The following NCOA3 variants were observed in gnomAD, a reference collection of about 807,000 sequenced individuals.
NCOA3 encodes the protein CBP-interacting protein.
NCOA3 carries 51 observed loss-of-function variants against 158.8 expected under a neutral mutation model. The observed-to-expected ratio is 0.32, with a 90% CI of 0.26 to 0.41. NCOA3 has a LOEUF of 0.41. NCOA3 is among the 10% of genes least tolerant of loss of function. NCOA3 has a pLI of 1.00. For synonymous variants in NCOA3, 537 were observed against 592.4 expected (o/e 0.91, Z 1.36); for missense variants, 1,510 against 1,746.6 (o/e 0.86, Z 2.41).
At chr20:47,613,445 C>A (rs1273097941) in intron 2 of NCOA3, among the ~76,000 whole-genome samples, 1 of 142,536 alleles carries the variant, frequency 7.0e-6, no homozygotes, top group Non-Finnish European at 1.5e-5. Context: ...TTTTCTGGGG[C>A]TAAAATGATT....
intron 2 of NCOA3, among the ~76,000 whole-genome samples, chr20:47,588,131 CTTTTTTTTTT>C (rs33989951): frequency 3.1e-4 from 24 of 78,550 alleles, no homozygotes; most frequent in Non-Finnish European, 4.9e-4. Flanking sequence ...CTCCACCCCA[CTTTTTTTTTT>C]TTTTTTTTTT....
At chr20:47,506,535 A>T (rs952426709) in intron 1 of NCOA3, among the ~76,000 whole-genome samples, 3 of 152,202 alleles carry the variant, frequency 2.0e-5, no homozygotes, top group African/African-American at 7.2e-5. Flanking sequence ...AAACTTTGTT[A>T]GCATTAACTC....
In NCOA3 at chr20:47,651,137, GCAA is replaced by G. The variant is rs2086788350; in HGVS notation, c.3810_3812del (p.Gln1276del). The G allele has an allele frequency of 1.9e-6, 3 of 1,612,404 alleles. No individual in the cohort carries two copies. On this transcript the variant is annotated inframe_deletion, in exon 20 of 23. Transcript: ENST00000371998. The stretch of plus-strand genomic sequence containing the variant: ...AGCAGCAGCAACAGCAACAGCAACA[GCAA>G]CAGCAGCAACAGCAGCAAACCCAGG...
At chr20:47,552,877 G>C (rs1271294764) in intron 1 of NCOA3, among the ~76,000 whole-genome samples, 1 of 151,826 alleles carries the variant, frequency 6.6e-6, no homozygotes, top group Non-Finnish European at 1.5e-5. Flanking sequence ...ACTGTAAAAG[G>C]GAAAAATGTG....
chr20:47,588,210 C>T (rs1568706341), intron 2 of NCOA3, among the ~76,000 whole-genome samples: 1 of 137,262 alleles, frequency 7.3e-6, no homozygotes, highest in Non-Finnish European at 1.5e-5. Context: ...CCTTGGCTCA[C>T]TGCAACCTCT....
Position 47,636,218 on chromosome 20 carries a change from G to A in NCOA3, c.1832G>A (p.Gly611Asp), listed in dbSNP as rs2086512886. The change falls in exon 12 of 23, where the codon GGT (glycine) becomes GAT (aspartate). Residue 611 changes from glycine to aspartate, a missense_variant. This residue lies in a region of NCOA3 where 1,017 missense variants were observed against 1,098.3 expected (regional missense o/e 0.93). Transcript: ENST00000371998. ...GTTGAGGGGGCAGAGAATCAAAGGG[G>A]TCCTTTGGAAAGCAAAGGTCATAAA... ...SSVEGAENQR[G>D]PLESKGHKKL... 4.3e-6 allele frequency: 7 copies of A among 1,614,118 alleles called. No individual in the cohort carries two copies. The highest frequency in any genetic ancestry group is 5.9e-6 in the Non-Finnish European group (7 of 1,180,012).
chr20:47,608,952 G>A (rs2085999717), intron 2 of NCOA3, among the ~76,000 whole-genome samples: 1 of 152,050 alleles, frequency 6.6e-6, no homozygotes, highest in Admixed American at 6.6e-5. Flanking sequence ...CCAATTTCAG[G>A]GGCATTTAGT....
intron 1 of NCOA3, among the ~76,000 whole-genome samples, chr20:47,502,597 G>C (rs1159992236): frequency 1.3e-5 from 2 of 151,936 alleles, no homozygotes; most frequent in Admixed American, 6.6e-5. Flanking sequence ...TAGCTTCTTA[G>C]TTTTCTCGGT....
rs1213644996 is a variant in NCOA3 at position 47,636,410 on chromosome 20, G to A, written c.2024G>A (p.Gly675Glu). 6.2e-7 allele frequency: 1 copy of A among 1,614,052 alleles called. No individual in the cohort carries two copies. The highest frequency in any genetic ancestry group is 1.1e-5 in the South Asian group (1 of 91,070). Residue 675 changes from glycine (G) to glutamate (E), a missense_variant, in exon 12 of 23, where the codon GGG becomes GAG. Physicochemically the swap from Gly to Glu is moderately conservative, Grantham distance 98 (BLOSUM62 -2). Coordinates refer to ENST00000371998, the MANE Select transcript of NCOA3 (RefSeq NM_181659.3). ...GTATCCTCTACATCCAATATGCATG[G>A]GTCACTGTTACAAGAGAAGCACCGG... is the stretch of plus-strand genomic sequence containing the variant. ...GGVSSTSNMH[G>E]SLLQEKHRIL... is the part of the protein sequence containing the mutation.
intron 2 of NCOA3, among the ~76,000 whole-genome samples, chr20:47,609,777 A>G (rs2086015000): frequency 6.6e-6 from 1 of 152,206 alleles, no homozygotes; most frequent in Admixed American, 6.5e-5. Flanking sequence ...TTGAATAGCA[A>G]CAAAGAAAAA....
chr20:47,635,770 A>G, intron 11 of NCOA3, 57 bp downstream of exon 11: 2 of 1,514,404 alleles, frequency 1.3e-6, no homozygotes, highest in Non-Finnish European at 1.8e-6. Context: ...TATTCTTTCC[A>G]TACTACTATA....
chr20:47,532,666 G>T (rs556250167), intron 1 of NCOA3, among the ~76,000 whole-genome samples: 1 of 151,916 alleles, frequency 6.6e-6, no homozygotes, highest in Non-Finnish European at 1.5e-5. Flanking sequence ...GTAGAGACAG[G>T]TCTTTTTTGC....
rs2086830655 is a variant in NCOA3 at position 47,653,507 on chromosome 20, A to G, written c.*90A>G. 31 of 1,455,998 alleles carry G rather than the reference A, an allele frequency of 2.1e-5. No homozygotes were observed. Among genetic ancestry groups the G allele is most frequent in the African/African-American group, 2.8e-5 (2 of 70,388 alleles). The allele number at this position is 1,455,998 out of a possible 1,614,324, so 90.2% of individuals were successfully genotyped here. A position where few individuals can be genotyped will look rare whatever the true frequency, so the allele number is the denominator to read the frequency against. On this transcript the variant is annotated 3_prime_UTR_variant, in exon 23 of 23. Transcript: ENST00000371998. The stretch of plus-strand genomic sequence containing the variant: ...GAAGGAATCATTGTTCCAGGCATCC[A>G]TCTTGGAAGAAAGGACCAGCTTTGA...
intron 5 of NCOA3, 51 bp downstream of exon 5, chr20:47,625,532 A>G (rs1272643301): frequency 4.0e-6 from 5 of 1,234,628 alleles, no homozygotes; most frequent in Non-Finnish European, 5.8e-6. Flanking sequence ...CCTTTGGTTT[A>G]TTATAAAGTT....
chr20:47,590,876 G>A (rs1274335436), intron 2 of NCOA3, among the ~76,000 whole-genome samples: 1 of 152,116 alleles, frequency 6.6e-6, no homozygotes, highest in African/African-American at 2.4e-5. Context: ...TTGGGAGGCT[G>A]AGGCAGGTTG....
chr20:47,582,362 C>T (rs1733199049), intron 1 of NCOA3, among the ~76,000 whole-genome samples: 1 of 152,068 alleles, frequency 6.6e-6, no homozygotes, highest in Admixed American at 6.6e-5. Context: ...CAGGCGCATG[C>T]CATCACACCA....
At chr20:47,587,121 T>G (rs1490485521) in intron 2 of NCOA3, among the ~76,000 whole-genome samples, 1 of 152,238 alleles carries the variant, frequency 6.6e-6, no homozygotes, top group Non-Finnish European at 1.5e-5. Context: ...CCAGCATTCC[T>G]TTCCCATTAC....
At chr20:47,513,820 G>A (rs1448081161) in intron 1 of NCOA3, among the ~76,000 whole-genome samples, 1 of 151,740 alleles carries the variant, frequency 6.6e-6, no homozygotes. Context: ...ACAGTGCAAA[G>A]CAGGGCTCTT....
chr20:47,576,329 C>T (rs1181615430), intron 1 of NCOA3, among the ~76,000 whole-genome samples: 1 of 152,132 alleles, frequency 6.6e-6, no homozygotes, highest in Admixed American at 6.6e-5. Flanking sequence ...TTACTGGATA[C>T]ACAACCAGTA....
Sources: gnomAD v4.1 joint callset for allele counts (sites outside exome capture counted in the v4.1 genomes callset) on GRCh38, gnomAD v4.1.1 for gene constraint, gnomAD v4.1.1 regional missense constraint, MANE v1.5 for transcripts, NCBI Gene and HGNC (gene_info 2026-07-23, HGNC 2026-07-21) for gene names.